The following STRAP variants were observed in gnomAD, a reference collection of about 807,000 sequenced individuals.
The protein encoded by STRAP is serine/threonine kinase receptor associated protein.
Under a neutral mutation model 47.0 loss-of-function variants are expected in STRAP, and 16 were observed. The observed-to-expected ratio is 0.34, with a 90% confidence interval of 0.23 to 0.52. STRAP has a LOEUF of 0.52. STRAP is among the 20% of genes least tolerant of loss of function. The pLI is 0.96. For synonymous variants in STRAP, 130 were observed against 142.7 expected (o/e 0.91, Z 0.63); for missense variants, 293 against 420.0 (o/e 0.70, Z 2.64).
At chr12:15,883,205 C>A in intron 1 of STRAP, 1 of 1,390,568 alleles carries the variant, frequency 7.2e-7, no homozygotes, top group Non-Finnish European at 9.9e-7. Flanking sequence ...TCTTGTCTCA[C>A]TGGATATTCC....
chr12:15,895,591 A>T (rs1948053122), intron 6 of STRAP, 95 bp downstream of exon 6: 1 of 1,399,104 alleles, frequency 7.1e-7, no homozygotes, highest in East Asian at 2.5e-5. Flanking sequence ...TTTAAAAGTA[A>T]AGAGGCCAGG....
intron 9 of STRAP, among the ~76,000 whole-genome samples, chr12:15,902,155 G>A (rs1458113429): frequency 6.6e-6 from 1 of 152,042 alleles, no homozygotes; most frequent in Non-Finnish European, 1.5e-5. Flanking sequence ...TGTATTTTTA[G>A]TAGAGATGGG....
rs751196693 is a variant in STRAP, at chr12:15,882,793, G to C, written c.86G>C (p.Gly29Ala). The change falls in exon 1 of 10, where the codon GGG becomes GCG. Residue 29 changes from glycine to alanine, a missense_variant. This residue lies in a region of STRAP where 31 missense variants were observed against 39.2 expected (regional missense o/e 0.79). Transcript: ENST00000419869. ...GCCTTCAGTGGCATCACGCCTTATGGGTATTTCTTAATCAGCGCTTGCAAA... is the reference window on the plus strand; with the variant it reads ...GCCTTCAGTGGCATCACGCCTTATGCGTATTTCTTAATCAGCGCTTGCAAA... ...DLAFSGITPY[G>A]YFLISACKDG... 1 of 1,613,716 alleles carries C rather than the reference G, an allele frequency of 6.2e-7. No individual in the cohort carries two copies. Among genetic ancestry groups the C allele is most frequent in the Non-Finnish European group, 8.5e-7 (1 of 1,179,942 alleles).
rs183963943 is a variant in STRAP, at chr12:15,884,578, T to A, written c.248+902T>A. On this transcript the variant is annotated intron_variant, in intron 2 of 9. Coordinates refer to ENST00000419869, the MANE Select transcript of STRAP (RefSeq NM_007178.4). ...TTTTACTACATTTAAAAATATTTTT[T>A]AATACTTTTTACTATACAGACAGTA... Among the ~76,000 whole-genome samples the A allele has an allele frequency of 1.8e-3, 275 of 152,056 alleles. 1 individual carries two copies. Among genetic ancestry groups the A allele is most frequent in the African/African-American group, 6.2e-3 (257 of 41,526 alleles).
intron 4 of STRAP, among the ~76,000 whole-genome samples, chr12:15,891,106 C>T (rs539189981): frequency 6.6e-6 from 1 of 151,630 alleles, no homozygotes; most frequent in South Asian, 2.1e-4. Flanking sequence ...AAACGTAATT[C>T]ATCAGTTTTT....
intron 1 of STRAP, 41 bp from the exon 2 acceptor site, chr12:15,883,500 T>C: frequency 6.3e-7 from 1 of 1,581,280 alleles, no homozygotes; most frequent in African/African-American, 1.4e-5. Context: ...CTTTAAGTAA[T>C]CTGAACTTAT....
Position 15,900,988 on chromosome 12 carries a change from C to G in STRAP, c.967C>G (p.Pro323Ala). The G allele has an allele frequency of 6.3e-7, 1 of 1,596,196 alleles. No homozygotes were observed. Among genetic ancestry groups the G allele is most frequent in the Non-Finnish European group, 8.5e-7 (1 of 1,171,212 alleles). The change falls in exon 9 of 10, where the codon CCA (proline) becomes GCA (alanine). Residue 323 changes from proline (P) to alanine (A), a missense_variant. By Grantham distance (27) the Pro-to-Ala change is conservative. Coordinates refer to ENST00000419869, the MANE Select transcript of STRAP (RefSeq NM_007178.4). Reference sequence around the variant, plus strand: ...GCTGGCAAAGCCAAAGATTGGTTTTCCAGAGACAACAGAAGAGGAGCTAGG... The same window carrying G: ...GCTGGCAAAGCCAAAGATTGGTTTTGCAGAGACAACAGAAGAGGAGCTAGG... ...GELAKPKIGF[P>A]ETTEEELEEI...
chr12:15,892,045 C>T (rs76967972), intron 4 of STRAP, among the ~76,000 whole-genome samples: 3 of 152,232 alleles, frequency 2.0e-5, no homozygotes, highest in African/African-American at 7.2e-5. Flanking sequence ...CCAACATGTT[C>T]TAGTGAGCAC....
intron 7 of STRAP, among the ~76,000 whole-genome samples, chr12:15,898,460 AAC>A (rs1329224744): frequency 6.6e-6 from 1 of 152,144 alleles, no homozygotes; most frequent in East Asian, 1.9e-4. Flanking sequence ...CTCCGTAAAG[AAC>A]AGTGTGTGGG....
rs540514602 is a variant in STRAP at position 15,893,702 on chromosome 12, T to A, written c.404-345T>A. On this transcript the variant is annotated intron_variant, in intron 4 of 9. Transcript: ENST00000419869. ...TACAATAATGCTTTTATATTTATTATACATATAATAAATATAAAATACTTT... is the reference window on the plus strand; with the variant it reads ...TACAATAATGCTTTTATATTTATTAAACATATAATAAATATAAAATACTTT... 2.0e-5 allele frequency among the ~76,000 whole-genome samples: 3 copies of A among 148,498 alleles called. No homozygotes were observed. The East Asian group carries it at 5.8e-4, about 29-fold the overall frequency.
intron 2 of STRAP, among the ~76,000 whole-genome samples, 182 bp downstream of exon 2, chr12:15,883,858 A>G (rs567779835): frequency 6.6e-6 from 1 of 152,318 alleles, no homozygotes; most frequent in South Asian, 2.1e-4. Context: ...CTTTGTCTTC[A>G]GTGGTTCTCA....
intron 1 of STRAP, 98 bp downstream of exon 1, chr12:15,882,917 G>T (rs1238212954): frequency 2.2e-6 from 3 of 1,388,312 alleles, no homozygotes; most frequent in Non-Finnish European, 3.0e-6. Context: ...TGTGGTGAGG[G>T]GGGAGGGGGC....
Position 15,890,750 on chromosome 12 carries a change from C to A in STRAP, c.403+81C>A. 1 of 1,279,650 alleles carries A rather than the reference C, an allele frequency of 7.8e-7. No individual in the cohort carries two copies. Among genetic ancestry groups the A allele is most frequent in the Non-Finnish European group, 1.1e-6 (1 of 911,690 alleles). 79.3% of individuals were successfully genotyped at this position (1,279,650 alleles called of 1,614,324 possible). ...TGATTAAAGAATTTCATGCTCAGTACTCAAATTTGGAAAATAAAGATAGTC... is the reference window on the plus strand; with the variant it reads ...TGATTAAAGAATTTCATGCTCAGTAATCAAATTTGGAAAATAAAGATAGTC... On this transcript the variant is annotated intron_variant, in intron 4 of 9. Transcript: ENST00000419869. The surrounding 1 kb of genome is among the most constrained non-coding windows in gnomAD (Gnocchi z 4.5).
intron 9 of STRAP, among the ~76,000 whole-genome samples, chr12:15,902,560 T>C (rs548594644): frequency 6.6e-6 from 1 of 152,356 alleles, no homozygotes; most frequent in Non-Finnish European, 1.5e-5. Context: ...GCACTAAATA[T>C]TAGGATTTGA....
chr12:15,888,687 A>G (rs900086918), intron 2 of STRAP, among the ~76,000 whole-genome samples: 1 of 151,716 alleles, frequency 6.6e-6, no homozygotes, highest in African/African-American at 2.4e-5. Flanking sequence ...TGTTACTTAC[A>G]TTTTCTGGAC....
At chr12:15,900,701 T>C (rs1411786265) in intron 8 of STRAP, among the ~76,000 whole-genome samples, 1 of 152,170 alleles carries the variant, frequency 6.6e-6, no homozygotes, top group South Asian at 2.1e-4. Flanking sequence ...CCAATAAAGA[T>C]AGACATGTTC....
At chr12:15,882,904 T>C in intron 1 of STRAP, 85 bp downstream of exon 1, 1 of 1,444,738 alleles carries the variant, frequency 6.9e-7, no homozygotes. Context: ...GCCGAAGCGG[T>C]GGTGTGGTGA....
In STRAP at chr12:15,896,575, T is replaced by C. The variant is rs773032686; in HGVS notation, c.638+1079T>C. ...TTTTAATTACTAGGACCATAATGAA[T>C]ACCATTTTGATTTGTTTAAAAATAT... On this transcript the variant is annotated intron_variant, in intron 6 of 9. Coordinates refer to ENST00000419869, the MANE Select transcript of STRAP (RefSeq NM_007178.4). This position sits in a 1 kb window ranked among gnomAD's most constrained non-coding sequence, Gnocchi z 4.1. Among the ~76,000 whole-genome samples the C allele has an allele frequency of 5.9e-5, 9 of 152,042 alleles. No individual in the cohort carries two copies. Among genetic ancestry groups the C allele is most frequent in the Non-Finnish European group, 1.2e-4 (8 of 67,986 alleles).
chr12:15,900,171 G>T (rs1948091944), intron 8 of STRAP, 118 bp downstream of exon 8: 4 of 1,104,188 alleles, frequency 3.6e-6, no homozygotes, highest in Non-Finnish European at 5.0e-6. Context: ...ATATATTATG[G>T]TTTAAGCAGC....
Sources: allele counts gnomAD v4.1 joint callset (sites outside exome capture counted in the v4.1 genomes callset), GRCh38; gene constraint gnomAD v4.1.1; regional missense constraint gnomAD v4.1.1; non-coding constraint Gnocchi (gnomAD v3.1); transcripts MANE v1.5; gene names NCBI Gene and HGNC (gene_info 2026-07-23, HGNC 2026-07-21).